The following MAP3K5 variants were observed in gnomAD, a reference collection of about 807,000 sequenced individuals.
The protein encoded by MAP3K5 is mitogen-activated protein kinase kinase kinase 5.
A neutral mutation model predicts 158.7 loss-of-function variants in MAP3K5; 56 were observed. That is an observed-to-expected ratio of 0.35 (90% CI 0.28 to 0.44). MAP3K5 has a LOEUF of 0.44. Ranked by LOEUF, MAP3K5 falls within the 20% of genes least tolerant of loss-of-function variation. MAP3K5 has a pLI of 1.00. For synonymous variants in MAP3K5, 579 were observed against 601.7 expected (o/e 0.96, Z 0.55); for missense variants, 1,294 against 1,674.8 (o/e 0.77, Z 3.97).
intron 1 of MAP3K5, among the ~76,000 whole-genome samples, chr6:136,726,858 A>T (rs911201065): frequency 2.6e-5 from 4 of 152,126 alleles, no homozygotes. Flanking sequence ...TAACTTCTAG[A>T]AGCTTTTTTC....
intron 1 of MAP3K5, among the ~76,000 whole-genome samples, chr6:136,760,068 C>G (rs1416937495): frequency 6.6e-6 from 1 of 152,112 alleles, no homozygotes; most frequent in African/African-American, 2.4e-5. Context: ...TTACAGACAT[C>G]AAAGAAAGCA....
intron 7 of MAP3K5, among the ~76,000 whole-genome samples, chr6:136,682,475 C>T (rs1407177649): frequency 6.6e-6 from 1 of 152,112 alleles, no homozygotes; most frequent in African/African-American, 2.4e-5. Context: ...TAGAGCCAAC[C>T]CCATTAATAA....
Position 136,567,751 on chromosome 6 carries a change from A to G in MAP3K5, c.3641T>C (p.Ile1214Thr), listed in dbSNP as rs56379668. 26,336 of 1,614,106 alleles carry G rather than the reference A, an allele frequency of 0.016. 279 individuals are homozygous for G. Among genetic ancestry groups the G allele is most frequent in the Non-Finnish European group, 0.02 (23,946 of 1,180,010 alleles). Residue 1214 changes from isoleucine (I) to threonine (T), a missense_variant, in exon 26 of 30, where the codon ATT becomes ACT. By Grantham distance (89) the Ile-to-Thr change is moderately conservative. Coordinates refer to ENST00000359015, the MANE Select transcript of MAP3K5 (RefSeq NM_005923.4). ...NQTVRRPQAV[I>T]EDAVATSGVS... is the part of the protein sequence containing the mutation. Reference sequence around the variant, plus strand: ...GCCTGAGGTAGCCACAGCATCTTCAATGACAGCCTGAGGTCTTCGGACAGT... The same window carrying G: ...GCCTGAGGTAGCCACAGCATCTTCAGTGACAGCCTGAGGTCTTCGGACAGT...
intron 21 of MAP3K5, among the ~76,000 whole-genome samples, chr6:136,597,743 T>C (rs1255190190): frequency 6.6e-6 from 1 of 152,212 alleles, no homozygotes; most frequent in South Asian, 2.1e-4. Flanking sequence ...GCCAAGTGCA[T>C]AGCAGAGGGT....
intron 10 of MAP3K5, among the ~76,000 whole-genome samples, chr6:136,655,835 T>C (rs898200342): frequency 2.6e-5 from 4 of 152,104 alleles, no homozygotes; most frequent in Admixed American, 6.5e-5. Context: ...GTCTAAAACA[T>C]TGTAAATAGT....
intron 1 of MAP3K5, among the ~76,000 whole-genome samples, chr6:136,751,159 T>TTTG (rs1404667673): frequency 3.9e-5 from 6 of 151,932 alleles, no homozygotes; most frequent in Non-Finnish European, 8.8e-5. Flanking sequence ...GCTTTTTTTT[T>TTTG]TTTTGGCTTA....
intron 1 of MAP3K5, among the ~76,000 whole-genome samples, chr6:136,788,458 C>T (rs1397874343): frequency 6.6e-6 from 1 of 152,110 alleles, no homozygotes; most frequent in Admixed American, 6.5e-5. Context: ...TTCTACACAA[C>T]AAGAGACACT....
intron 14 of MAP3K5, among the ~76,000 whole-genome samples, chr6:136,632,840 G>A (rs1326641703): frequency 6.6e-6 from 1 of 152,108 alleles, no homozygotes; most frequent in Non-Finnish European, 1.5e-5. Flanking sequence ...CTGATCAATT[G>A]TTTGATGATT....
At chr6:136,772,546 T>C (rs1357008679) in intron 1 of MAP3K5, among the ~76,000 whole-genome samples, 1 of 151,990 alleles carries the variant, frequency 6.6e-6, no homozygotes, top group Non-Finnish European at 1.5e-5. Flanking sequence ...CATACAGTAG[T>C]GAGACAATGC....
chr6:136,681,789 G>A (rs574440384), intron 7 of MAP3K5, among the ~76,000 whole-genome samples: 1 of 152,188 alleles, frequency 6.6e-6, no homozygotes, highest in Admixed American at 6.5e-5. Context: ...TGTGGTGGCG[G>A]GCGCCTGTAG....
intron 7 of MAP3K5, among the ~76,000 whole-genome samples, chr6:136,692,489 G>T (rs1780429503): frequency 1.3e-5 from 2 of 152,138 alleles, no homozygotes; most frequent in Non-Finnish European, 2.9e-5. Flanking sequence ...CCATTTAAAT[G>T]TGGAGTTTAT....
chr6:136,721,076 G>T (rs1781728777), intron 1 of MAP3K5, among the ~76,000 whole-genome samples: 1 of 152,050 alleles, frequency 6.6e-6, no homozygotes, highest in Non-Finnish European at 1.5e-5. Flanking sequence ...ACCATGCCTG[G>T]CCCAAACCTG....
chr6:136,604,333 A>G (rs1484238456), intron 19 of MAP3K5, among the ~76,000 whole-genome samples: 1 of 152,038 alleles, frequency 6.6e-6, no homozygotes, highest in Non-Finnish European at 1.5e-5. Flanking sequence ...ACAAAAAAAA[A>G]GAAGAAAGAA....
At chr6:136,611,129 A>AAAAAAAG (rs1776321275) in intron 18 of MAP3K5, among the ~76,000 whole-genome samples, 153 bp downstream of exon 18, 1 of 150,146 alleles carries the variant, frequency 6.7e-6, no homozygotes, top group Admixed American at 6.7e-5. Flanking sequence ...AAAAAAAAAA[A>AAAAAAAG]AAAAAGAAAG....
intron 21 of MAP3K5, among the ~76,000 whole-genome samples, chr6:136,599,049 C>T (rs1474254052): frequency 3.3e-5 from 5 of 151,488 alleles, no homozygotes; most frequent in African/African-American, 1.2e-4. Flanking sequence ...TGGGCACCTA[C>T]AGTCCCAGCT....
intron 1 of MAP3K5, among the ~76,000 whole-genome samples, chr6:136,776,050 T>A (rs1784391651): frequency 6.6e-6 from 1 of 152,254 alleles, no homozygotes; most frequent in African/African-American, 2.4e-5. Flanking sequence ...CTGAGTTCTA[T>A]GAAGCTTGGA....
chr6:136,742,121 A>G (rs1229475559), intron 1 of MAP3K5, among the ~76,000 whole-genome samples: 1 of 152,216 alleles, frequency 6.6e-6, no homozygotes, highest in Non-Finnish European at 1.5e-5. Context: ...CCAGCAAGTT[A>G]TTTGGTGGAT....
At chr6:136,612,897 G>C (rs1322263840) in intron 17 of MAP3K5, among the ~76,000 whole-genome samples, 1 of 152,196 alleles carries the variant, frequency 6.6e-6, no homozygotes, top group Non-Finnish European at 1.5e-5. Context: ...GCACAATCTT[G>C]TTGGCTGAAC....
chr6:136,600,896 T>G, intron 21 of MAP3K5, 126 bp downstream of exon 21: 2 of 900,198 alleles, frequency 2.2e-6, no homozygotes, highest in Non-Finnish European at 3.6e-6. Context: ...TAGTATCTAG[T>G]ACCGCACCCT....
Sources: allele counts gnomAD v4.1 joint callset (sites outside exome capture counted in the v4.1 genomes callset), GRCh38; gene constraint gnomAD v4.1.1; transcripts MANE v1.5; gene names NCBI Gene and HGNC (gene_info 2026-07-23, HGNC 2026-07-21).